POLR1A: variants seen among roughly 807,000 people sequenced by gnomAD.
The protein encoded by POLR1A is RNA polymerase I subunit A, also known as DNA-directed RNA polymerase I subunit RPA1.
Under a neutral mutation model 205.3 loss-of-function variants are expected in POLR1A, and 84 were observed. The observed-to-expected ratio is 0.41, with a 90% CI of 0.34 to 0.49. POLR1A has a LOEUF of 0.49. Among genes scored for constraint, POLR1A ranks in the 20% least tolerant of loss-of-function variants. The pLI is 0.22. For synonymous variants in POLR1A, 799 were observed against 863.7 expected, an observed-to-expected ratio of 0.93 and a Z score of 1.31; for missense variants, 1,645 against 2,204.5, an observed-to-expected ratio of 0.75 and a Z score of 5.08.
chr2:86,049,283 C>T, intron 16 of POLR1A, 41 bp from the exon 17 acceptor site: 1 of 1,440,960 alleles, frequency 6.9e-7, no homozygotes, highest in Non-Finnish European at 9.8e-7. Flanking sequence ...GACCTCAGGC[C>T]TGATTTCTCC....
At chr2:86,084,480 T>A (rs1478865034) in intron 6 of POLR1A, among the ~76,000 whole-genome samples, 1 of 151,932 alleles carries the variant, frequency 6.6e-6, no homozygotes, top group Non-Finnish European at 1.5e-5. Flanking sequence ...ATACATCCAC[T>A]GAAACTAAGC....
intron 6 of POLR1A, among the ~76,000 whole-genome samples, chr2:86,087,345 T>C (rs1334756811): frequency 1.3e-5 from 2 of 152,262 alleles, no homozygotes; most frequent in African/African-American, 2.4e-5. Flanking sequence ...TTTCCATGCT[T>C]ATCCCATATT....
At position 86,088,870 on chromosome 2, in the gene POLR1A, C is replaced by T; in HGVS notation, c.541G>A (p.Val181Ile). The change falls in exon 5 of 34, where the codon GTA (valine) becomes ATA (isoleucine). Residue 181 changes from valine to isoleucine, a missense_variant and splice_region_variant. Transcript: ENST00000263857. ...NNLLGSQGAH[V>I]KNVCESKSKL... ...CTCTTGCTCTCACACACGTTCTTTA[C>T]CTGTTTTTTTAAAAAAAGTCAGAGA... 1.9e-6 allele frequency: 3 copies of T among 1,608,852 alleles called. No individual in the cohort carries two copies. The highest frequency in any genetic ancestry group is 1.1e-5 in the South Asian group (1 of 90,300).
rs763644239 is a variant in POLR1A at position 86,041,927 on chromosome 2, T to C, written c.3534A>G (p.Thr1178=). 1 of 1,614,200 alleles carries C rather than the reference T, an allele frequency of 6.2e-7. No homozygotes were observed. Among genetic ancestry groups the C allele is most frequent in the Non-Finnish European group, 8.5e-7 (1 of 1,180,018 alleles). The part of the protein sequence containing the change: ...DDYSQEWAAQ[T]EKSYEKSELS... ...GCTCTGATTTCTCATAACTCTTCTC[T>C]GTTTGAGCTGCCCACTCTTGACTGT... Residue 1178 remains threonine (T), a synonymous_variant, in exon 24 of 34, where the codon ACA becomes ACG. Coordinates refer to ENST00000263857, the MANE Select transcript of POLR1A (RefSeq NM_015425.6).
chr2:86,104,034 G>A (rs1673871584), intron 1 of POLR1A, among the ~76,000 whole-genome samples: 1 of 152,226 alleles, frequency 6.6e-6, no homozygotes, highest in Non-Finnish European at 1.5e-5. Context: ...ATCAGCATTG[G>A]TCTGATCATG....
chr2:86,032,421 A>G, intron 28 of POLR1A, 39 bp from the exon 29 acceptor site: 3 of 1,376,760 alleles, frequency 2.2e-6, no homozygotes, highest in Non-Finnish European at 3.1e-6. Context: ...ATTAACTCCA[A>G]TATCTAGTGC....
chr2:86,070,448 T>C lies in POLR1A; in HGVS notation c.1612-176A>G, dbSNP rs1304137670. On this transcript the variant is annotated intron_variant, in intron 12 of 33. Coordinates refer to ENST00000263857, the MANE Select transcript of POLR1A (RefSeq NM_015425.6). This position sits in a 1 kb window ranked among gnomAD's most constrained non-coding sequence, Gnocchi z 4.4. ...ACCCTGGAAATCTCTGAGAAATACG[T>C]CCTAGGCCCTTCTGGTCCTGGCCCT... Among the ~76,000 whole-genome samples the C allele has an allele frequency of 3.3e-5, 5 of 152,112 alleles. No homozygotes were observed. Among genetic ancestry groups the C allele is most frequent in the Admixed American group, 6.5e-5 (1 of 15,272 alleles).
intron 3 of POLR1A, among the ~76,000 whole-genome samples, chr2:86,096,597 C>G (rs1179706082): frequency 6.6e-6 from 1 of 152,072 alleles, no homozygotes. Context: ...CCAATGAAAA[C>G]AGGGAACCCA....
chr2:86,061,956 A>G (rs1673006658), intron 14 of POLR1A, among the ~76,000 whole-genome samples: 1 of 152,230 alleles, frequency 6.6e-6, no homozygotes, highest in Non-Finnish European at 1.5e-5. Context: ...TATAAACTCG[A>G]GATTTGCAAT....
Position 86,028,500 on chromosome 2 carries a change from T to C in POLR1A, c.4897+94A>G. 3 of 856,434 alleles carry C rather than the reference T, an allele frequency of 3.5e-6. No individual in the cohort carries two copies. 53.1% of individuals were successfully genotyped at this position (856,434 alleles called of 1,614,324 possible). On this transcript the variant is annotated intron_variant, in intron 32 of 33. Transcript: ENST00000263857. This position sits in a 1 kb window ranked among gnomAD's most constrained non-coding sequence, Gnocchi z 4.5. ...CTGCCTTAGTGCTGGACTGACTCGGTGCTGGACCGACACGGTCCTGACCCT... is the reference window on the plus strand; with the variant it reads ...CTGCCTTAGTGCTGGACTGACTCGGCGCTGGACCGACACGGTCCTGACCCT...
At chr2:86,044,987 A>G (rs1347886560) in intron 21 of POLR1A, among the ~76,000 whole-genome samples, 1 of 152,152 alleles carries the variant, frequency 6.6e-6, no homozygotes, top group Non-Finnish European at 1.5e-5. Context: ...CCTTCTAGGA[A>G]GCAAGATAAG....
chr2:86,087,963 T>TTA (rs1673530948), intron 6 of POLR1A, among the ~76,000 whole-genome samples: 1 of 152,196 alleles, frequency 6.6e-6, no homozygotes, highest in African/African-American at 2.4e-5. Flanking sequence ...AATACTCTAT[T>TTA]TAATCTTCTG....
chr2:86,082,996 A>G, intron 7 of POLR1A, 86 bp downstream of exon 7: 3 of 1,016,564 alleles, frequency 3.0e-6, no homozygotes, highest in East Asian at 2.4e-5. Flanking sequence ...ACTACAACTT[A>G]AAAGAAGTAA....
At position 86,030,323 on chromosome 2, in the gene POLR1A, G is replaced by A. The variant is rs375547915; in HGVS notation, c.4652C>T (p.Ala1551Val). 3.1e-6 allele frequency: 5 copies of A among 1,613,764 alleles called. No individual in the cohort carries two copies. The highest frequency in any genetic ancestry group is 3.4e-6 in the Non-Finnish European group (4 of 1,179,786). Reference protein sequence around the residue: ...SSLVVSLAHGAVIYATKGITR... With the variant: ...SSLVVSLAHGVVIYATKGITR... ...GATGCCCTTGGTCGCATAGATGACG[G>A]CACCATGGGCCAAAGATACTACCAG... Residue 1551 changes from alanine (A) to valine (V), a missense_variant, in exon 31 of 34, where the codon GCC becomes GTC. Ala to Val is a moderately conservative substitution (Grantham distance 64, BLOSUM62 0). Coordinates refer to ENST00000263857, the MANE Select transcript of POLR1A (RefSeq NM_015425.6).
chr2:86,083,006 A>C lies in POLR1A; in HGVS notation c.817+76T>G, dbSNP rs941715385. On this transcript the variant is annotated intron_variant, in intron 7 of 33. Coordinates refer to ENST00000263857, the MANE Select transcript of POLR1A (RefSeq NM_015425.6). Reference sequence around the variant, plus strand: ...CAATCACTACAACTTAAAAGAAGTAATAAGGCAGGGTTAATGAGTCCAGGA... The same window carrying C: ...CAATCACTACAACTTAAAAGAAGTACTAAGGCAGGGTTAATGAGTCCAGGA... The C allele has an allele frequency of 2.1e-5, 23 of 1,095,412 alleles. No homozygotes were observed. The Middle Eastern group carries it at 6.0e-4, about 29-fold the overall frequency. 67.9% of individuals were successfully genotyped at this position (1,095,412 alleles called of 1,614,324 possible). A position where few individuals can be genotyped will look rare whatever the true frequency, so the allele number is the denominator to read the frequency against.
intron 31 of POLR1A, 63 bp downstream of exon 31, chr2:86,030,133 T>A (rs539029003): frequency 7.2e-7 from 1 of 1,381,160 alleles, no homozygotes; most frequent in East Asian, 2.3e-5. Flanking sequence ...AGTGGCTGGG[T>A]CTTGAGACAA....
At chr2:86,094,218 T>C (rs376149841) in intron 3 of POLR1A, among the ~76,000 whole-genome samples, 2 of 152,218 alleles carry the variant, frequency 1.3e-5, no homozygotes, top group South Asian at 2.1e-4. Flanking sequence ...GGGAGGGTAC[T>C]TTGAAAGTGC....
chr2:86,040,392 C>G lies in POLR1A; in HGVS notation c.3740G>C (p.Arg1247Thr). ...CCCTGTGCTCCCTTGTGCCCCACACCTTGGAATGCCCAGGGTGACGTTCAT... is the reference window on the plus strand; with the variant it reads ...CCCTGTGCTCCCTTGTGCCCCACACGTTGGAATGCCCAGGGTGACGTTCAT... ...GEMNVTLGIP[R>T]LREILMVASA... is the part of the protein sequence containing the mutation. Residue 1247 changes from arginine to threonine, a missense_variant and splice_region_variant, in exon 25 of 34, where the codon AGG becomes ACG. By Grantham distance (71) the Arg-to-Thr change is moderately conservative. This residue lies in a region of POLR1A where 13 missense variants were observed against 55.1 expected (regional missense o/e 0.24). Coordinates refer to ENST00000263857, the MANE Select transcript of POLR1A (RefSeq NM_015425.6). 6.3e-7 allele frequency: 1 copy of G among 1,599,896 alleles called. No homozygotes were observed. Among genetic ancestry groups the G allele is most frequent in the Non-Finnish European group, 8.5e-7 (1 of 1,172,602 alleles).
chr2:86,033,015 G>C (rs983008229), intron 28 of POLR1A, among the ~76,000 whole-genome samples: 1 of 152,212 alleles, frequency 6.6e-6, no homozygotes, highest in Non-Finnish European at 1.5e-5. Flanking sequence ...TGAGACCACA[G>C]AGCTGGTTGG....
Sources: gnomAD v4.1 joint callset for allele counts (sites outside exome capture counted in the v4.1 genomes callset) on GRCh38, gnomAD v4.1.1 for gene constraint, gnomAD v4.1.1 regional missense constraint, Gnocchi (gnomAD v3.1) non-coding constraint, MANE v1.5 for transcripts, NCBI Gene and HGNC (gene_info 2026-07-23, HGNC 2026-07-21) for gene names.